The following IL11 variants were observed in gnomAD, a reference collection of about 807,000 sequenced individuals.
IL11 encodes the protein interleukin-11.
IL11 carries 17 observed loss-of-function variants against 18.1 expected under a neutral mutation model. That is an observed-to-expected ratio of 0.94 (90% confidence interval 0.64 to 1.41). The LOEUF is 1.41. IL11 is among the 40% of genes most tolerant of loss of function. The pLI, the probability that IL11 is intolerant of heterozygous loss-of-function variation, is 0.00. For synonymous variants in IL11, 144 were observed against 134.1 expected (o/e 1.07, Z -0.51); for missense variants, 309 against 262.8 (o/e 1.18, Z -1.22).
rs967871038 is a variant in IL11, at chr19:55,366,427, C to A, written c.430-250G>T. On this transcript the variant is annotated intron_variant, in intron 4 of 4. Transcript: ENST00000264563. This position sits in a 1 kb window ranked among gnomAD's most constrained non-coding sequence, Gnocchi z 4.6. Reference sequence around the variant, plus strand: ...GTCTGTGGAGTCAGGGCTGGCATCTCGGTTCTAGGTGAGGGATCGGGCCTG... The same window carrying A: ...GTCTGTGGAGTCAGGGCTGGCATCTAGGTTCTAGGTGAGGGATCGGGCCTG... Among the ~76,000 whole-genome samples, 2 of 151,872 alleles carry A rather than the reference C, an allele frequency of 1.3e-5. No individual in the cohort carries two copies. Among genetic ancestry groups the A allele is most frequent in the East Asian group, 3.9e-4 (2 of 5,182 alleles).
chr19:55,368,207 T>C lies in IL11; in HGVS notation c.429+3A>G. 3.3e-6 allele frequency: 5 copies of C among 1,529,310 alleles called. No homozygotes were observed. Among genetic ancestry groups the C allele is most frequent in the Non-Finnish European group, 4.4e-6 (5 of 1,134,516 alleles). 94.7% of individuals were successfully genotyped at this position (1,529,310 alleles called of 1,614,324 possible). A position where few individuals can be genotyped will look rare whatever the true frequency, so the allele number is the denominator to read the frequency against. On this transcript the variant is annotated splice_donor_region_variant and intron_variant, in intron 4 of 4. Coordinates refer to ENST00000264563, the MANE Select transcript of IL11 (RefSeq NM_000641.4). ...GGTGTCAGGTCTTGGGGCCAGGACA[T>C]ACCAGGAGCTGCAGCCGGCGCAGCA...
In IL11 at chr19:55,365,457, C is replaced by G. The variant is rs906808914; in HGVS notation, c.*550G>C. 2 of 160,908 alleles carry G rather than the reference C, an allele frequency of 1.2e-5. No homozygotes were observed. The highest frequency in any genetic ancestry group is 1.3e-4 in the Admixed American group (2 of 15,682). The allele number at this position is 160,908 out of a possible 1,614,324, so 10.0% of individuals were successfully genotyped here. A position where few individuals can be genotyped will look rare whatever the true frequency, so the allele number is the denominator to read the frequency against. ...GACCCATCTCCCAGTCGCTGCCCCG[C>G]CCACTCGGGACCTCCACCTGAATGG... On this transcript the variant is annotated 3_prime_UTR_variant, in exon 5 of 5. Coordinates refer to ENST00000264563, the MANE Select transcript of IL11 (RefSeq NM_000641.4).
Position 55,369,793 on chromosome 19 carries a change from C to G in IL11, c.7+511G>C, listed in dbSNP as rs10407001. 0.22 allele frequency among the ~76,000 whole-genome samples: 33,101 copies of G among 150,794 alleles called. 6,133 individuals carry two copies. Among genetic ancestry groups the G allele is most frequent in the African/African-American group, 0.51 (20,873 of 41,110 alleles). Reference sequence around the variant, plus strand: ...CCGCCAGCCGTCGGTCTGTCCGCGCCTCCGTCGGCCGCATCTGCCCGGCTC... The same window carrying G: ...CCGCCAGCCGTCGGTCTGTCCGCGCGTCCGTCGGCCGCATCTGCCCGGCTC... On this transcript the variant is annotated intron_variant, in intron 1 of 4. Coordinates refer to ENST00000264563, the MANE Select transcript of IL11 (RefSeq NM_000641.4). The surrounding 1 kb of genome is among the most constrained non-coding windows in gnomAD (Gnocchi z 6.1).
rs111605504 is a variant in IL11, at chr19:55,365,463, C to T, written c.*544G>A. The T allele has an allele frequency of 1.5e-3, 250 of 161,762 alleles. 2 individuals are homozygous for T. Among genetic ancestry groups the T allele is most frequent in the African/African-American group, 5.8e-3 (243 of 41,552 alleles). 10.0% of individuals were successfully genotyped at this position (161,762 alleles called of 1,614,324 possible). A position where few individuals can be genotyped will look rare whatever the true frequency, so the allele number is the denominator to read the frequency against. On this transcript the variant is annotated 3_prime_UTR_variant, in exon 5 of 5. Transcript: ENST00000264563. ...TCTCCCAGTCGCTGCCCCGCCCACT[C>T]GGGACCTCCACCTGAATGGAGGTCT...
At position 55,369,048 on chromosome 19, in the gene IL11, T is replaced by A; in HGVS notation, c.8-107A>T. On this transcript the variant is annotated intron_variant, in intron 1 of 4. Transcript: ENST00000264563. This position sits in a 1 kb window ranked among gnomAD's most constrained non-coding sequence, Gnocchi z 6.1. ...AGGGAGGAGGAACTGGGGTCTGGACTCCTCCTGGGTCTGAGGGAGGAGAGG... is the reference window on the plus strand; with the variant it reads ...AGGGAGGAGGAACTGGGGTCTGGACACCTCCTGGGTCTGAGGGAGGAGAGG... 1 of 1,019,314 alleles carries A rather than the reference T, an allele frequency of 9.8e-7. No individual in the cohort carries two copies. Among genetic ancestry groups the A allele is most frequent in the Non-Finnish European group, 1.4e-6 (1 of 720,720 alleles). The allele number at this position is 1,019,314 out of a possible 1,614,324, so 63.1% of individuals were successfully genotyped here.
At position 55,365,658 on chromosome 19, in the gene IL11, C is replaced by T; in HGVS notation, c.*349G>A. ...CTTCCCTTTCCCCTCCGTCCCCACC[C>T]CAACATGAAAAGTAATTGCTTAAAT... is the stretch of plus-strand genomic sequence containing the variant. On this transcript the variant is annotated 3_prime_UTR_variant, in exon 5 of 5. Coordinates refer to ENST00000264563, the MANE Select transcript of IL11 (RefSeq NM_000641.4). The T allele has an allele frequency of 4.0e-6, 1 of 250,322 alleles. No homozygotes were observed. The allele number at this position is 250,322 out of a possible 1,614,324, so 15.5% of individuals were successfully genotyped here.
rs2089781925 is a variant in IL11, at chr19:55,365,879, G to A, written c.*128C>T. 7 of 1,440,198 alleles carry A rather than the reference G, an allele frequency of 4.9e-6. No homozygotes were observed. Among genetic ancestry groups the A allele is most frequent in the Non-Finnish European group, 6.6e-6 (7 of 1,059,746 alleles). The allele number at this position is 1,440,198 out of a possible 1,614,324, so 89.2% of individuals were successfully genotyped here. A position where few individuals can be genotyped will look rare whatever the true frequency, so the allele number is the denominator to read the frequency against. ...GCACAGATGCCCCCCAGGCCTCACG[G>A]AAGGACTGTCTCTAACTAGGGGGAG... On this transcript the variant is annotated 3_prime_UTR_variant, in exon 5 of 5. Coordinates refer to ENST00000264563, the MANE Select transcript of IL11 (RefSeq NM_000641.4).
rs1569032215 is a variant in IL11, at chr19:55,368,327, G to T, written c.312C>A (p.Tyr104Ter). Residue 104 changes from tyrosine (Y) to a stop codon, truncating the protein, a stop_gained, in exon 4 of 5, where the codon TAC (tyrosine) becomes TAA (stop). Coordinates refer to ENST00000264563, the MANE Select transcript of IL11 (RefSeq NM_000641.4). LOFTEE classifies it high-confidence loss of function. ...LTRLRADLLS[Y>*]LRHVQWLRRA... ...GGCGCAGCCACTGCACGTGCCGCAGGTAGGACAGTAGGTCCGCTCGCAGCC... is the reference window on the plus strand; with the variant it reads ...GGCGCAGCCACTGCACGTGCCGCAGTTAGGACAGTAGGTCCGCTCGCAGCC... 3 of 1,599,136 alleles carry T rather than the reference G, an allele frequency of 1.9e-6. No homozygotes were observed.
At chr19:55,367,253 C>T (rs1028982789) in intron 4 of IL11, among the ~76,000 whole-genome samples, 1 of 151,674 alleles carries the variant, frequency 6.6e-6, no homozygotes, top group Non-Finnish European at 1.5e-5. Context: ...TCAGGGTTTT[C>T]GATGTTGGGA....
chr19:55,365,783 C>T lies in IL11; in HGVS notation c.*224G>A. 1 of 626,420 alleles carries T rather than the reference C, an allele frequency of 1.6e-6. No homozygotes were observed. The highest frequency in any genetic ancestry group is 2.6e-6 in the Non-Finnish European group (1 of 382,480). The allele number at this position is 626,420 out of a possible 1,614,324, so 38.8% of individuals were successfully genotyped here. On this transcript the variant is annotated 3_prime_UTR_variant, in exon 5 of 5. Coordinates refer to ENST00000264563, the MANE Select transcript of IL11 (RefSeq NM_000641.4). The stretch of plus-strand genomic sequence containing the variant: ...ACCCAAGAATCCGGGACCCCAGTCC[C>T]CTCCTCCTCGGGGACCCAGGAGTCC...
rs1481587296 is a variant in IL11, at chr19:55,368,826, G to A, written c.123C>T (p.Ser41=). 1.3e-6 allele frequency: 2 copies of A among 1,592,422 alleles called. No homozygotes were observed. Among genetic ancestry groups the A allele is most frequent in the East Asian group, 2.3e-5 (1 of 44,182 alleles). Residue 41 remains serine, a synonymous_variant, in exon 2 of 5, where the codon AGC becomes AGT. Coordinates refer to ENST00000264563, the MANE Select transcript of IL11 (RefSeq NM_000641.4). ...VSPDPRAELD[S]TVLLTRSLLA... ...GGAGAGAGCGGGTCAGGAGCACGGT[G>A]CTGTCCAGCTCGGCCCGAGGGTCTG...
rs1383766592 is a variant in IL11 at position 55,370,184 on chromosome 19, C to A, written c.7+120G>T. The A allele has an allele frequency of 6.6e-6, 5 of 757,786 alleles. No homozygotes were observed. In the Admixed American group the frequency reaches 8.5e-5, roughly 13 times the overall value. The allele number at this position is 757,786 out of a possible 1,614,324, so 46.9% of individuals were successfully genotyped here. On this transcript the variant is annotated intron_variant, in intron 1 of 4. Coordinates refer to ENST00000264563, the MANE Select transcript of IL11 (RefSeq NM_000641.4). ...CTGTCTCCGAAGCTGCTCTCCTCCC[C>A]GGCTGCCTGTCTCCGGGTCCCTCTC... is the stretch of plus-strand genomic sequence containing the variant.
Position 55,369,021 on chromosome 19 carries a change from T to A in IL11, c.8-80A>T. 1 of 1,287,732 alleles carries A rather than the reference T, an allele frequency of 7.8e-7. No individual in the cohort carries two copies. Among genetic ancestry groups the A allele is most frequent in the Non-Finnish European group, 1.0e-6 (1 of 954,982 alleles). The allele number at this position is 1,287,732 out of a possible 1,614,324, so 79.8% of individuals were successfully genotyped here. A position where few individuals can be genotyped will look rare whatever the true frequency, so the allele number is the denominator to read the frequency against. On this transcript the variant is annotated intron_variant, in intron 1 of 4. Coordinates refer to ENST00000264563, the MANE Select transcript of IL11 (RefSeq NM_000641.4). This position sits in a 1 kb window ranked among gnomAD's most constrained non-coding sequence, Gnocchi z 6.1. ...GGGCCTGGGCCTGGACTCCCGGGTC[T>A]GAGGGAGGAGGAACTGGGGTCTGGA...
Position 55,366,701 on chromosome 19 carries a change from A to G in IL11, c.430-524T>C, listed in dbSNP as rs1320810882. On this transcript the variant is annotated intron_variant, in intron 4 of 4. Transcript: ENST00000264563. The surrounding 1 kb of genome is among the most constrained non-coding windows in gnomAD (Gnocchi z 4.6). ...GCAGTGTGCACCTGAAGTCCCAGCT[A>G]CTCAGGAGGCTGAGGCAGGAGAATC... Among the ~76,000 whole-genome samples, 1 of 152,012 alleles carries G rather than the reference A, an allele frequency of 6.6e-6. No individual in the cohort carries two copies. Among genetic ancestry groups the G allele is most frequent in the Non-Finnish European group, 1.5e-5 (1 of 68,006 alleles).
Position 55,366,813 on chromosome 19 carries a change from C to T in IL11, c.430-636G>A, listed in dbSNP as rs896197921. Among the ~76,000 whole-genome samples, 1 of 151,882 alleles carries T rather than the reference C, an allele frequency of 6.6e-6. No individual in the cohort carries two copies. The highest frequency in any genetic ancestry group is 2.4e-5 in the African/African-American group (1 of 41,334). On this transcript the variant is annotated intron_variant, in intron 4 of 4. Transcript: ENST00000264563. The surrounding 1 kb of genome is among the most constrained non-coding windows in gnomAD (Gnocchi z 4.6). ...GGCAACAGAGCGCGAGACTCTGTCT[C>T]CAAAAAATAATAATAATAATAATAA...
At chr19:55,368,419 A>C (rs1196488420) in intron 3 of IL11, 48 bp from the exon 4 acceptor site, 1 of 1,580,014 alleles carries the variant, frequency 6.3e-7, no homozygotes, top group African/African-American at 1.3e-5. Context: ...AGTGCCCCTC[A>C]TCCTCCCCGC....
chr19:55,368,115 C>A (rs1286972085), intron 4 of IL11, 95 bp downstream of exon 4: 7 of 1,124,970 alleles, frequency 6.2e-6, no homozygotes, highest in African/African-American at 1.6e-5. Context: ...CTGTTGCACT[C>A]GGGTCTGGGG....
chr19:55,368,244 C>T lies in IL11; in HGVS notation c.395G>A (p.Arg132Gln), dbSNP rs1278440411. The T allele has an allele frequency of 7.8e-6, 12 of 1,543,364 alleles. No individual in the cohort carries two copies. The highest frequency in any genetic ancestry group is 2.4e-5 in the South Asian group (2 of 83,988). Residue 132 changes from arginine to glutamine, a missense_variant, in exon 4 of 5, where the codon CGA (arginine) becomes CAA (glutamine). Coordinates refer to ENST00000264563, the MANE Select transcript of IL11 (RefSeq NM_000641.4). Reference protein sequence around the residue: ...LEPELGTLQARLDRLLRRLQL... With the variant: ...LEPELGTLQAQLDRLLRRLQL... Reference sequence around the variant, plus strand: ...CAGCCGGCGCAGCAGCCGGTCCAGTCGGGCCTGCAGGGTGCCCAGCTCGGG... The same window carrying T: ...CAGCCGGCGCAGCAGCCGGTCCAGTTGGGCCTGCAGGGTGCCCAGCTCGGG...
At chr19:55,368,981 G>A (rs1484896140) in intron 1 of IL11, 40 bp from the exon 2 acceptor site, 5 of 1,451,016 alleles carry the variant, frequency 3.4e-6, no homozygotes, top group South Asian at 2.9e-5. Flanking sequence ...GCTGGACTCC[G>A]GGTCTGAGAG....
Sources: allele counts gnomAD v4.1 joint callset (sites outside exome capture counted in the v4.1 genomes callset), GRCh38; gene constraint gnomAD v4.1.1; non-coding constraint Gnocchi (gnomAD v3.1); transcripts MANE v1.5; gene names NCBI Gene and HGNC (gene_info 2026-07-23, HGNC 2026-07-21).